The following CCDC90B variants were observed in gnomAD, a reference collection of about 807,000 sequenced individuals.
The protein encoded by CCDC90B is coiled-coil domain containing 90B, also known as coiled-coil domain-containing protein 90B, mitochondrial.
A neutral mutation model predicts 37.0 loss-of-function variants in CCDC90B; 24 were observed. The observed-to-expected ratio is 0.65, with a 90% confidence interval of 0.47 to 0.91. The LOEUF (loss-of-function observed/expected upper bound fraction) is 0.91. Ranked by LOEUF, CCDC90B falls within the 40% of genes least tolerant of loss-of-function variation. CCDC90B has a pLI of 0.00. For missense variants in CCDC90B, 319 were observed against 299.0 expected, an observed-to-expected ratio of 1.07 and a Z score of -0.49; for synonymous variants, 113 against 101.1, an observed-to-expected ratio of 1.12 and a Z score of -0.71.
chr11:83,283,564 G>C (rs990746212), intron 1 of CCDC90B, among the ~76,000 whole-genome samples: 3 of 152,172 alleles, frequency 2.0e-5, no homozygotes, highest in Non-Finnish European at 4.4e-5. Context: ...CTCCACTTTG[G>C]AAGCCATAAG....
At position 83,265,015 on chromosome 11, in the gene CCDC90B, G is replaced by A. The variant is rs187855855; in HGVS notation, c.709+850C>T. On this transcript the variant is annotated intron_variant, in intron 8 of 8. Transcript: ENST00000529689. ...GGAGATATACCTAATGCTAAATGAC[G>A]AGTTACTGGGTGCAGCGCACCAGCA... is the stretch of plus-strand genomic sequence containing the variant. 4.0e-5 allele frequency among the ~76,000 whole-genome samples: 6 copies of A among 151,404 alleles called. No individual in the cohort carries two copies. The East Asian group carries it at 7.8e-4, about 20-fold the overall frequency.
chr11:83,263,308 G>A lies in CCDC90B; in HGVS notation c.710-1342C>T, dbSNP rs563092773. Reference sequence around the variant, plus strand: ...CTCTACTTCAGTAGAGTATACAATCGTTACTGCATTTAAGTTTCTCTCTCA... The same window carrying A: ...CTCTACTTCAGTAGAGTATACAATCATTACTGCATTTAAGTTTCTCTCTCA... On this transcript the variant is annotated intron_variant, in intron 8 of 8. Coordinates refer to ENST00000529689, the MANE Select transcript of CCDC90B (RefSeq NM_021825.5). 1.4e-4 allele frequency among the ~76,000 whole-genome samples: 22 copies of A among 152,156 alleles called. No individual in the cohort carries two copies. In the South Asian group the frequency reaches 4.6e-3, roughly 32 times the overall value.
rs1226171184 is a variant in CCDC90B, at chr11:83,259,433, CTT to C, written c.*2476_*2477del. 1.3e-5 allele frequency: 2 copies of C among 152,150 alleles called. No individual in the cohort carries two copies. Among genetic ancestry groups the C allele is most frequent in the South Asian group, 2.1e-4 (1 of 4,830 alleles). The allele number at this position is 152,150 out of a possible 1,614,324, so 9.4% of individuals were successfully genotyped here. The stretch of plus-strand genomic sequence containing the variant: ...TTCTTCTGTTATTGGATACAAAGCA[CTT>C]TGTTTGCTAAACCCCTACAATGAGA... On this transcript the variant is annotated 3_prime_UTR_variant, in exon 9 of 9. Coordinates refer to ENST00000529689, the MANE Select transcript of CCDC90B (RefSeq NM_021825.5).
At chr11:83,276,072 C>A (rs891345991) in intron 3 of CCDC90B, among the ~76,000 whole-genome samples, 1 of 152,116 alleles carries the variant, frequency 6.6e-6, no homozygotes. Flanking sequence ...CTGTGTACAA[C>A]AGACATTGCT....
chr11:83,286,156 C>A lies in CCDC90B; in HGVS notation c.-184G>T. On this transcript the variant is annotated 5_prime_UTR_variant, in exon 1 of 9. Transcript: ENST00000529689. ...AAACTGGGTCTCTTCACAGACAGAC[C>A]CACAGTTCGCGAGCATGGCTCAGCG... 1 of 1,536,176 alleles carries A rather than the reference C, an allele frequency of 6.5e-7. No homozygotes were observed. Among genetic ancestry groups the A allele is most frequent in the South Asian group, 1.2e-5 (1 of 84,066 alleles).
chr11:83,285,049 G>T, intron 1 of CCDC90B: 1 of 949,852 alleles, frequency 1.1e-6, no homozygotes, highest in Non-Finnish European at 1.3e-6. Flanking sequence ...ATGAAACAAT[G>T]AGCAAAATAG....
At position 83,273,627 on chromosome 11, in the gene CCDC90B, A is replaced by AT. The variant is rs763566659; in HGVS notation, c.594+19dup. ...GGCACAAGAACTGTACAAAAGAGACATTTTTACATATTACTTTACCTTTTT... is the reference window on the plus strand; with the variant it reads ...GGCACAAGAACTGTACAAAAGAGACATTTTTTACATATTACTTTACCTTTTT... On this transcript the variant is annotated intron_variant, in intron 7 of 8. Coordinates refer to ENST00000529689, the MANE Select transcript of CCDC90B (RefSeq NM_021825.5). The AT allele has an allele frequency of 5.0e-5, 78 of 1,551,382 alleles. No homozygotes were observed. In the East Asian group the frequency reaches 1.7e-3, roughly 33 times the overall value.
intron 8 of CCDC90B, among the ~76,000 whole-genome samples, chr11:83,265,521 G>C (rs1356614338): frequency 6.6e-6 from 1 of 152,072 alleles, no homozygotes; most frequent in Non-Finnish European, 1.5e-5. Flanking sequence ...GTCAGCTGCA[G>C]AGTTGCCTGC....
At chr11:83,272,366 T>C (rs938634930) in intron 7 of CCDC90B, among the ~76,000 whole-genome samples, 12 of 152,190 alleles carry the variant, frequency 7.9e-5, no homozygotes, top group Non-Finnish European at 1.5e-4. Context: ...AACCTCATAA[T>C]AACATATTTA....
intron 1 of CCDC90B, chr11:83,285,597 AAACGGAAAC>A: frequency 1.5e-6 from 2 of 1,303,536 alleles, no homozygotes; most frequent in East Asian, 3.5e-5. Context: ...TGTCACCAAA[AAACGGAAAC>A]AACGGCTGAG....
chr11:83,276,924 G>A (rs534293254), intron 3 of CCDC90B, among the ~76,000 whole-genome samples: 2 of 151,892 alleles, frequency 1.3e-5, no homozygotes, highest in African/African-American at 4.8e-5. Context: ...TAGCTGACTT[G>A]TTTTCATATG....
chr11:83,269,707 C>T (rs61900301), intron 7 of CCDC90B, among the ~76,000 whole-genome samples: 4,843 of 152,242 alleles, frequency 0.032, 153 homozygotes, highest in South Asian at 0.08. Flanking sequence ...GACAGATTCA[C>T]AGCCAAATTC....
chr11:83,274,387 G>A (rs1864893660), intron 4 of CCDC90B: 2 of 275,764 alleles, frequency 7.3e-6, no homozygotes, highest in African/African-American at 2.2e-5. Context: ...TATATATATA[G>A]CTCAAAGATT....
At position 83,285,940 on chromosome 11, in the gene CCDC90B, G is replaced by A; in HGVS notation, c.33C>T (p.Leu11=). 1 of 1,613,226 alleles carries A rather than the reference G, an allele frequency of 6.2e-7. No homozygotes were observed. Among genetic ancestry groups the A allele is most frequent in the East Asian group, 2.2e-5 (1 of 44,852 alleles). MNSRQAWRLF[L]SQGRGDRWVS... ...CCCAACGATCTCCTCTGCCTTGGGAGAGAAAGAGCCGCCAAGCCTGGCGAC... is the reference window on the plus strand; with the variant it reads ...CCCAACGATCTCCTCTGCCTTGGGAAAGAAAGAGCCGCCAAGCCTGGCGAC... Residue 11 remains leucine, a synonymous_variant, in exon 1 of 9, where the codon CTC becomes CTT. Coordinates refer to ENST00000529689, the MANE Select transcript of CCDC90B (RefSeq NM_021825.5).
chr11:83,279,273 T>G (rs1325910119), intron 2 of CCDC90B, among the ~76,000 whole-genome samples: 1 of 151,446 alleles, frequency 6.6e-6, no homozygotes, highest in Non-Finnish European at 1.5e-5. Flanking sequence ...AGAGCGAGAC[T>G]CTGTCTCAAA....
At chr11:83,270,587 A>T (rs1323699283) in intron 7 of CCDC90B, among the ~76,000 whole-genome samples, 1 of 152,232 alleles carries the variant, frequency 6.6e-6, no homozygotes, top group South Asian at 2.1e-4. Flanking sequence ...AATCTAACTT[A>T]TAAGGGATGT....
At chr11:83,273,101 A>C (rs1591045956) in intron 7 of CCDC90B, 2 of 24 alleles carry the variant, frequency 0.083, no homozygotes, top group South Asian at 0.5. Flanking sequence ...CTGGCACATT[A>C]AATAAACACT....
intron 8 of CCDC90B, among the ~76,000 whole-genome samples, chr11:83,263,508 T>C (rs1864055642): frequency 6.6e-6 from 1 of 152,230 alleles, no homozygotes; most frequent in East Asian, 1.9e-4. Context: ...TGGTACATTT[T>C]AAGCACTCTG....
intron 1 of CCDC90B, among the ~76,000 whole-genome samples, chr11:83,282,808 T>C (rs1190231891): frequency 6.6e-6 from 1 of 152,200 alleles, no homozygotes; most frequent in African/African-American, 2.4e-5. Flanking sequence ...CAGGATTCTT[T>C]TGCAAACCCT....
Sources: allele counts gnomAD v4.1 joint callset (sites outside exome capture counted in the v4.1 genomes callset), GRCh38; gene constraint gnomAD v4.1.1; transcripts MANE v1.5; gene names NCBI Gene and HGNC (gene_info 2026-07-23, HGNC 2026-07-21).